The following ZCCHC7 variants were observed in gnomAD, a reference collection of about 807,000 sequenced individuals.
The protein encoded by ZCCHC7 is zinc finger CCHC domain-containing protein 7.
ZCCHC7 carries 35 observed loss-of-function variants against 52.0 expected under a neutral mutation model. That is an observed-to-expected ratio of 0.67 (90% CI 0.51 to 0.89). ZCCHC7 has a LOEUF of 0.89. Ranked by LOEUF, ZCCHC7 falls within the 40% of genes least tolerant of loss-of-function variation. The probability of loss-of-function intolerance (pLI) is 0.00; values close to 1 mark genes in which losing one functional copy is unlikely to be tolerated. For synonymous variants in ZCCHC7, 217 were observed against 221.5 expected, an observed-to-expected ratio of 0.98 and a Z score of 0.18; for missense variants, 574 against 649.1, an observed-to-expected ratio of 0.88 and a Z score of 1.26.
chr9:37,259,840 AGG>A (rs1161564415), intron 2 of ZCCHC7, among the ~76,000 whole-genome samples: 2 of 152,194 alleles, frequency 1.3e-5, no homozygotes, highest in African/African-American at 4.8e-5. Context: ...TCATATCTTC[AGG>A]TATGAAGATA....
intron 2 of ZCCHC7, among the ~76,000 whole-genome samples, chr9:37,284,985 A>T (rs983266681): frequency 6.6e-6 from 1 of 152,120 alleles, no homozygotes; most frequent in Non-Finnish European, 1.5e-5. Context: ...TTCCTTTTTT[A>T]TTAGAAGTTT....
At chr9:37,308,609 G>GT (rs949464532) in intron 5 of ZCCHC7, among the ~76,000 whole-genome samples, 2 of 152,094 alleles carry the variant, frequency 1.3e-5, no homozygotes, top group East Asian at 1.9e-4. Context: ...ATGAATGTAG[G>GT]TTTTTTTAAA....
intron 2 of ZCCHC7, among the ~76,000 whole-genome samples, chr9:37,269,637 A>C (rs867903655): frequency 1.0e-4 from 15 of 149,418 alleles, no homozygotes; most frequent in Middle Eastern, 6.9e-3. Context: ...AAAAAAAAAA[A>C]AAAAAAAAAC....
intron 2 of ZCCHC7, among the ~76,000 whole-genome samples, chr9:37,206,456 A>G (rs1199215739): frequency 5.9e-5 from 9 of 151,886 alleles, no homozygotes; most frequent in Non-Finnish European, 1.0e-4. Context: ...GACTCAAGCA[A>G]TCCTCCCACC....
At chr9:37,269,001 G>A (rs1827255029) in intron 2 of ZCCHC7, among the ~76,000 whole-genome samples, 3 of 152,198 alleles carry the variant, frequency 2.0e-5, no homozygotes, top group African/African-American at 7.2e-5. Flanking sequence ...TGACGTTTAA[G>A]CTGAAATCCA....
At chr9:37,356,350 A>G (rs781035010) in intron 8 of ZCCHC7, among the ~76,000 whole-genome samples, 4 of 152,252 alleles carry the variant, frequency 2.6e-5, no homozygotes, top group Non-Finnish European at 5.9e-5. Flanking sequence ...AAAGCCAGTG[A>G]TCTCTACCCT....
At chr9:37,294,439 G>A (rs1828685550) in intron 2 of ZCCHC7, among the ~76,000 whole-genome samples, 1 of 152,154 alleles carries the variant, frequency 6.6e-6, no homozygotes, top group African/African-American at 2.4e-5. Context: ...TTAGGTACAA[G>A]CATGATTATC....
intron 2 of ZCCHC7, among the ~76,000 whole-genome samples, chr9:37,250,500 C>A (rs965929860): frequency 6.6e-6 from 1 of 152,056 alleles, no homozygotes; most frequent in Non-Finnish European, 1.5e-5. Context: ...CGAGGTTTCA[C>A]CATGTTGTCC....
rs575518756 is a variant in ZCCHC7 at position 37,208,372 on chromosome 9, C to T, written c.610+81430C>T. On this transcript the variant is annotated intron_variant, in intron 2 of 8. Transcript: ENST00000336755. Reference sequence around the variant, plus strand: ...AAGTGTTAGGATCACAGACGTGAGCCACCACTCCCGGCCTATTAAAGCTTC... The same window carrying T: ...AAGTGTTAGGATCACAGACGTGAGCTACCACTCCCGGCCTATTAAAGCTTC... 3.9e-5 allele frequency among the ~76,000 whole-genome samples: 6 copies of T among 152,288 alleles called. No individual in the cohort carries two copies. In the East Asian group the frequency reaches 1.2e-3, roughly 29 times the overall value.
At chr9:37,123,024 T>G (rs1842386041) in intron 1 of ZCCHC7, among the ~76,000 whole-genome samples, 1 of 152,270 alleles carries the variant, frequency 6.6e-6, no homozygotes, top group African/African-American at 2.4e-5. Context: ...AGCCGTGTTC[T>G]TAACCAGCTG....
intron 5 of ZCCHC7, among the ~76,000 whole-genome samples, chr9:37,305,937 G>A (rs1172627807): frequency 3.9e-5 from 6 of 152,012 alleles, no homozygotes; most frequent in Non-Finnish European, 8.8e-5. Context: ...TCAGAAGACA[G>A]CATCAAGAGA....
intron 2 of ZCCHC7, among the ~76,000 whole-genome samples, chr9:37,282,859 A>T (rs1342055780): frequency 6.7e-6 from 1 of 149,608 alleles, no homozygotes; most frequent in Non-Finnish European, 1.5e-5. Flanking sequence ...AAAAGAGTCA[A>T]GAAGACCTGA....
intron 2 of ZCCHC7, chr9:37,186,659 A>G: frequency 1.8e-6 from 1 of 550,928 alleles, no homozygotes. Context: ...AAAAATAAAG[A>G]AAATTATACT....
chr9:37,190,397 C>A (rs1186101700), intron 2 of ZCCHC7, among the ~76,000 whole-genome samples: 1 of 152,200 alleles, frequency 6.6e-6, no homozygotes, highest in African/African-American at 2.4e-5. Flanking sequence ...CTTTGTCTAT[C>A]CCTGAGTGCC....
intron 2 of ZCCHC7, chr9:37,205,138 G>A (rs780861103): frequency 2.9e-5 from 8 of 274,266 alleles, no homozygotes; most frequent in Non-Finnish European, 5.7e-5. Flanking sequence ...TGCACAGTAT[G>A]CAGGTTAATT....
At chr9:37,296,892 TG>T (rs1828811491) in intron 2 of ZCCHC7, among the ~76,000 whole-genome samples, 1 of 147,244 alleles carries the variant, frequency 6.8e-6, no homozygotes, top group South Asian at 2.2e-4. Flanking sequence ...TGTGTGTGTG[TG>T]TGTGTGTGTG....
chr9:37,344,213 AT>A (rs1335561367), intron 6 of ZCCHC7, among the ~76,000 whole-genome samples: 6 of 152,312 alleles, frequency 3.9e-5, no homozygotes, highest in African/African-American at 1.4e-4. Context: ...AAATAGAAAT[AT>A]TTGTGAACAT....
intron 2 of ZCCHC7, among the ~76,000 whole-genome samples, chr9:37,234,854 T>C (rs1825569599): frequency 6.6e-6 from 1 of 152,246 alleles, no homozygotes; most frequent in African/African-American, 2.4e-5. Context: ...CTTTTAACAA[T>C]TTATTGAATG....
chr9:37,245,691 A>G (rs1250485436), intron 2 of ZCCHC7, among the ~76,000 whole-genome samples: 1 of 152,010 alleles, frequency 6.6e-6, no homozygotes, highest in Non-Finnish European at 1.5e-5. Flanking sequence ...ATCAGGTAAG[A>G]CTTCTTTACT....
Sources: allele counts gnomAD v4.1 joint callset (sites outside exome capture counted in the v4.1 genomes callset), GRCh38; gene constraint gnomAD v4.1.1; transcripts MANE v1.5; gene names NCBI Gene and HGNC (gene_info 2026-07-23, HGNC 2026-07-21).